The following LRRTM4 variants were observed in gnomAD, a reference collection of about 807,000 sequenced individuals.
LRRTM4 encodes leucine-rich repeat transmembrane neuronal protein 4.
In LRRTM4, 25 loss-of-function variants were observed where a neutral mutation model predicts 47.6. The ratio of observed to expected loss-of-function variants is 0.53; its 90% confidence interval spans 0.38 to 0.73. The LOEUF is 0.73. Ranked by LOEUF, LRRTM4 falls within the 30% of genes least tolerant of loss-of-function variation. The probability of loss-of-function intolerance (pLI) is 0.00; values close to 1 mark genes in which losing one functional copy is unlikely to be tolerated. For synonymous variants in LRRTM4, 311 were observed against 269.5 expected, an observed-to-expected ratio of 1.15 and a Z score of -1.51; for missense variants, 638 against 713.4, an observed-to-expected ratio of 0.89 and a Z score of 1.20.
chr2:76,764,073 G>A (rs373955639), intron 3 of LRRTM4, among the ~76,000 whole-genome samples: 1 of 152,140 alleles, frequency 6.6e-6, no homozygotes, highest in African/African-American at 2.4e-5. Flanking sequence ...AAAATTGTTA[G>A]TGATGAAACT....
chr2:77,072,810 A>AAC (rs1256965718), intron 3 of LRRTM4, among the ~76,000 whole-genome samples: 18 of 151,332 alleles, frequency 1.2e-4, no homozygotes, highest in Admixed American at 1.2e-3. Flanking sequence ...CAAAAAAAAA[A>AAC]AAAAAAAAAA....
intron 3 of LRRTM4, among the ~76,000 whole-genome samples, chr2:77,149,263 A>G (rs1410315669): frequency 6.6e-6 from 1 of 152,190 alleles, no homozygotes; most frequent in East Asian, 1.9e-4. Flanking sequence ...ACTAAAATAC[A>G]ATATTTTAGA....
chr2:77,025,622 A>T (rs1678428193), intron 3 of LRRTM4, among the ~76,000 whole-genome samples: 1 of 152,154 alleles, frequency 6.6e-6, no homozygotes, highest in Non-Finnish European at 1.5e-5. Flanking sequence ...TCAGTTGTAC[A>T]ATAGCTTAGT....
chr2:77,469,472 C>T (rs960849526), intron 3 of LRRTM4, among the ~76,000 whole-genome samples: 3 of 152,150 alleles, frequency 2.0e-5, no homozygotes, highest in African/African-American at 7.2e-5. Context: ...ACAGTAAAGA[C>T]ACTGCCAAGA....
chr2:77,013,075 C>T (rs1437807834), intron 3 of LRRTM4, among the ~76,000 whole-genome samples: 2 of 152,190 alleles, frequency 1.3e-5, no homozygotes, highest in Non-Finnish European at 2.9e-5. Context: ...ACCTTCTCTC[C>T]ACTTTACTTT....
chr2:77,127,872 C>T (rs113040207), intron 3 of LRRTM4, among the ~76,000 whole-genome samples: 69 of 152,272 alleles, frequency 4.5e-4, no homozygotes, highest in African/African-American at 1.6e-3. Context: ...CGGCCAGGTG[C>T]AGTGGCTCAC....
At chr2:77,347,870 A>T (rs2104289778) in intron 3 of LRRTM4, among the ~76,000 whole-genome samples, 1 of 152,108 alleles carries the variant, frequency 6.6e-6, no homozygotes, top group East Asian at 1.9e-4. Context: ...TACATCATCT[A>T]TTTCTTTATA....
At chr2:77,163,989 G>C (rs953929953) in intron 3 of LRRTM4, among the ~76,000 whole-genome samples, 6 of 152,032 alleles carry the variant, frequency 3.9e-5, no homozygotes, top group Non-Finnish European at 7.4e-5. Context: ...TGGGCTAAAG[G>C]CTCCAATCAA....
chr2:76,851,871 A>G (rs1439859121), intron 3 of LRRTM4, among the ~76,000 whole-genome samples: 1 of 149,310 alleles, frequency 6.7e-6, no homozygotes, highest in Non-Finnish European at 1.5e-5. Flanking sequence ...ATCCTGAATT[A>G]TGCTAAAATT....
chr2:77,335,208 G>T (rs1403961621), intron 3 of LRRTM4, among the ~76,000 whole-genome samples: 2 of 152,158 alleles, frequency 1.3e-5, no homozygotes, highest in Non-Finnish European at 2.9e-5. Context: ...GGTTCGATCT[G>T]TCTATTTTAT....
At chr2:76,763,574 T>C (rs996368895) in intron 3 of LRRTM4, among the ~76,000 whole-genome samples, 1 of 152,212 alleles carries the variant, frequency 6.6e-6, no homozygotes, top group Non-Finnish European at 1.5e-5. Context: ...TTAAGCCACC[T>C]AGCCTATGCA....
intron 3 of LRRTM4, among the ~76,000 whole-genome samples, chr2:77,223,098 G>GA (rs1182980147): frequency 1.3e-5 from 2 of 151,478 alleles, no homozygotes; most frequent in African/African-American, 2.4e-5. Context: ...CAGAACCAAA[G>GA]AAAAAAAACC....
chr2:77,269,080 T>C (rs1676126457), intron 3 of LRRTM4, among the ~76,000 whole-genome samples: 1 of 152,194 alleles, frequency 6.6e-6, no homozygotes, highest in Non-Finnish European at 1.5e-5. Context: ...TTTCTTACTT[T>C]CTAAAAATTT....
chr2:76,803,346 A>G (rs572158308), intron 3 of LRRTM4, among the ~76,000 whole-genome samples: 1 of 152,278 alleles, frequency 6.6e-6, no homozygotes, highest in Non-Finnish European at 1.5e-5. Context: ...ATATGCAAAA[A>G]TGCCCAACAT....
intron 3 of LRRTM4, among the ~76,000 whole-genome samples, chr2:76,803,805 C>T (rs1353765022): frequency 6.6e-6 from 1 of 152,136 alleles, no homozygotes; most frequent in African/African-American, 2.4e-5. Flanking sequence ...CAGTGGTTCA[C>T]GGTCCCTGAA....
chr2:76,870,287 C>CT (rs1026382927), intron 3 of LRRTM4, among the ~76,000 whole-genome samples: 5 of 152,048 alleles, frequency 3.3e-5, no homozygotes, highest in African/African-American at 1.2e-4. Flanking sequence ...CTGACAAGGT[C>CT]TTTTTGTAAA....
intron 3 of LRRTM4, among the ~76,000 whole-genome samples, chr2:76,757,300 A>G (rs1315546395): frequency 2.0e-5 from 3 of 152,122 alleles, no homozygotes; most frequent in Non-Finnish European, 4.4e-5. Context: ...CTATTTGTGT[A>G]CTCAACAGTT....
intron 3 of LRRTM4, among the ~76,000 whole-genome samples, chr2:77,006,943 C>G (rs180935356): frequency 3.9e-5 from 6 of 152,222 alleles, no homozygotes; most frequent in Admixed American, 2.6e-4. Context: ...CACAAACATC[C>G]TTTGGCATCC....
At chr2:76,894,924 A>C (rs568258121) in intron 3 of LRRTM4, among the ~76,000 whole-genome samples, 20 of 150,286 alleles carry the variant, frequency 1.3e-4, no homozygotes, top group Non-Finnish European at 2.4e-4. Context: ...ACAACTCATT[A>C]ATAATTTATG....
Sources: allele counts gnomAD v4.1 joint callset (sites outside exome capture counted in the v4.1 genomes callset), GRCh38; gene constraint gnomAD v4.1.1; transcripts MANE v1.5; gene names NCBI Gene and HGNC (gene_info 2026-07-23, HGNC 2026-07-21).